The following XPO6 variants were observed in gnomAD, a reference collection of about 807,000 sequenced individuals.
XPO6 encodes exportin 6, also known as exportin-6.
XPO6 carries 3 observed loss-of-function variants against 130.0 expected under a neutral mutation model. The observed-to-expected ratio is 0.02, with a 90% CI of 0.01 to 0.06. XPO6 has a LOEUF of 0.06. XPO6 is among the 10% of genes least tolerant of loss of function. The probability of loss-of-function intolerance (pLI) is 1.00; values close to 1 mark genes in which losing one functional copy is unlikely to be tolerated. For missense variants in XPO6, 970 were observed against 1,393.0 expected, an observed-to-expected ratio of 0.70 and a Z score of 4.83; for synonymous variants, 524 against 548.9, an observed-to-expected ratio of 0.95 and a Z score of 0.63.
intron 1 of XPO6, among the ~76,000 whole-genome samples, chr16:28,189,288 A>C (rs764117306): frequency 6.6e-6 from 1 of 150,394 alleles, no homozygotes; most frequent in Non-Finnish European, 1.5e-5. Flanking sequence ...CAGCATATTG[A>C]AGTGGAAATC....
chr16:28,180,170 C>T (rs1001689730), intron 2 of XPO6, among the ~76,000 whole-genome samples: 1 of 152,104 alleles, frequency 6.6e-6, no homozygotes, highest in Non-Finnish European at 1.5e-5. Context: ...TCAAGACCCA[C>T]CTGGCTAATA....
chr16:28,153,248 G>A (rs1039478700), intron 7 of XPO6: 17 of 989,696 alleles, frequency 1.7e-5, no homozygotes, highest in Non-Finnish European at 2.0e-5. Flanking sequence ...ATGTACTCAG[G>A]CTTGCAACTT....
chr16:28,201,858 AAAT>A (rs994736457), intron 1 of XPO6, among the ~76,000 whole-genome samples: 3 of 152,040 alleles, frequency 2.0e-5, no homozygotes, highest in African/African-American at 4.8e-5. Flanking sequence ...CCGTCTCAAA[AAAT>A]AATAATAATA....
rs1177586794 is a variant in XPO6 at position 28,098,609 on chromosome 16, T to C, written c.3307A>G (p.Arg1103Gly). 1.2e-6 allele frequency: 2 copies of C among 1,612,516 alleles called. No homozygotes were observed. Among genetic ancestry groups the C allele is most frequent in the African/African-American group, 2.7e-5 (2 of 75,014 alleles). Reference protein sequence around the residue: ...DLPSFTQNVHRLVNDLRYYRL... With the variant: ...DLPSFTQNVHGLVNDLRYYRL... ...TAGTAGCGCAGGTCGTTGACCAGCC[T>C]GTGCACATTCTGGGTGAATGAGGGC... Residue 1103 changes from arginine to glycine, a missense_variant, in exon 24 of 24, where the codon AGG becomes GGG. Physicochemically the swap from Arg to Gly is moderately radical, Grantham distance 125. Around this residue, in one of 4 missense-constraint regions of XPO6, gnomAD observed 936 missense variants for 1,306.8 expected, o/e 0.72. Transcript: ENST00000304658.
chr16:28,148,090 T>C (rs2043017481), intron 8 of XPO6, among the ~76,000 whole-genome samples: 1 of 152,180 alleles, frequency 6.6e-6, no homozygotes, highest in Non-Finnish European at 1.5e-5. Context: ...TTCAAAACTA[T>C]CCACTAGCCC....
At chr16:28,183,134 T>C (rs1300449099) in intron 1 of XPO6, among the ~76,000 whole-genome samples, 1 of 152,210 alleles carries the variant, frequency 6.6e-6, no homozygotes, top group Non-Finnish European at 1.5e-5. Flanking sequence ...TATTTAGTAC[T>C]AGATTCTTGA....
intron 1 of XPO6, among the ~76,000 whole-genome samples, chr16:28,204,051 G>A (rs2043989401): frequency 6.6e-6 from 1 of 151,990 alleles, no homozygotes; most frequent in Non-Finnish European, 1.5e-5. Context: ...AACTGCTAGG[G>A]AGCCTAGTTT....
At chr16:28,117,158 C>T in intron 15 of XPO6, 160 bp downstream of exon 15, 1 of 949,052 alleles carries the variant, frequency 1.1e-6, no homozygotes, top group Non-Finnish European at 1.5e-6. Flanking sequence ...TGCATGTAGG[C>T]TACAACTAAA....
chr16:28,167,357 C>G (rs2043373104), intron 5 of XPO6: 1 of 985,458 alleles, frequency 1.0e-6, no homozygotes, highest in South Asian at 4.7e-5. Context: ...GGCTGGAAAT[C>G]CTGGCTTCTG....
rs547707774 is a variant in XPO6 at position 28,164,064 on chromosome 16, T to G, written c.643+2444A>C. ...CTATTAAAGGAGTTGTTGCAGGAACTAGTCCCTGGGCTTTGTTCTTTAAAA... is the reference window on the plus strand; with the variant it reads ...CTATTAAAGGAGTTGTTGCAGGAACGAGTCCCTGGGCTTTGTTCTTTAAAA... On this transcript the variant is annotated intron_variant, in intron 6 of 23. Transcript: ENST00000304658. 9.8e-5 allele frequency among the ~76,000 whole-genome samples: 15 copies of G among 152,332 alleles called. No individual in the cohort carries two copies. The South Asian group carries it at 3.1e-3, about 32-fold the overall frequency.
chr16:28,176,439 A>G (rs1381120691), intron 3 of XPO6, among the ~76,000 whole-genome samples: 1 of 152,248 alleles, frequency 6.6e-6, no homozygotes, highest in African/African-American at 2.4e-5. Context: ...ATGTGGGGAT[A>G]TAAAATAAAG....
At position 28,160,503 on chromosome 16, in the gene XPO6, C is replaced by CAAAAAAAAAAAAAAAAAA. The variant is rs1158204334; in HGVS notation, c.644-3977_644-3976insTTTTTTTTTTTTTTTTTT. Reference sequence around the variant, plus strand: ...TGGATAACAAAGTGAGACTCCATCACCAAAAAAAAAAAAAAAATCAAGTAA... The same window carrying CAAAAAAAAAAAAAAAAAA: ...TGGATAACAAAGTGAGACTCCATCACAAAAAAAAAAAAAAAAAACAAAAAAAAAAAAAAAATCAAGTAA... On this transcript the variant is annotated intron_variant, in intron 6 of 23. Transcript: ENST00000304658. Among the ~76,000 whole-genome samples the CAAAAAAAAAAAAAAAAAA allele has an allele frequency of 7.7e-4, 90 of 116,612 alleles. 9 individuals carry two copies. The highest frequency in any genetic ancestry group is 3.0e-3 in the African/African-American group (73 of 24,052). The allele number at this position is 116,612 out of a possible 152,430, so 76.5% of individuals were successfully genotyped here. A position where few individuals can be genotyped will look rare whatever the true frequency, so the allele number is the denominator to read the frequency against.
At chr16:28,109,216 A>G (rs1036399064) in intron 17 of XPO6, among the ~76,000 whole-genome samples, 1 of 152,226 alleles carries the variant, frequency 6.6e-6, no homozygotes, top group African/African-American at 2.4e-5. Context: ...CACTATAAGT[A>G]TATAATAATA....
At chr16:28,165,555 T>C (rs992143648) in intron 6 of XPO6, 2 of 152,232 alleles carry the variant, frequency 1.3e-5, no homozygotes, top group African/African-American at 4.8e-5. Context: ...ATTAGTGCAC[T>C]ATGAGTACTC....
chr16:28,185,360 T>C (rs2043677296), intron 1 of XPO6, among the ~76,000 whole-genome samples: 1 of 151,396 alleles, frequency 6.6e-6, no homozygotes, highest in Non-Finnish European at 1.5e-5. Context: ...ACCTTGCCTC[T>C]TAAAAAATAA....
At chr16:28,121,547 C>A in intron 14 of XPO6, 123 bp downstream of exon 14, 1 of 771,666 alleles carries the variant, frequency 1.3e-6, no homozygotes. Flanking sequence ...TCTAGGTTTG[C>A]AGTTTAAGAG....
chr16:28,127,391 C>T (rs2042579737), intron 12 of XPO6, among the ~76,000 whole-genome samples: 2 of 152,196 alleles, frequency 1.3e-5, no homozygotes, highest in South Asian at 4.1e-4. Flanking sequence ...AAGTCCATCT[C>T]CTTACTGACC....
chr16:28,188,234 GC>G (rs1351020629), intron 1 of XPO6, among the ~76,000 whole-genome samples: 3 of 152,134 alleles, frequency 2.0e-5, no homozygotes, highest in Admixed American at 6.5e-5. Context: ...GGGCCAACAT[GC>G]CCAGCCAAAA....
rs928270841 is a variant in XPO6 at position 28,106,019 on chromosome 16, A to G, written c.2784+24T>C. 2 of 1,606,968 alleles carry G rather than the reference A, an allele frequency of 1.2e-6. No homozygotes were observed. The highest frequency in any genetic ancestry group is 1.3e-5 in the African/African-American group (1 of 74,822). ...CCAATCTGGAGATGGGGGGTGCTGC[A>G]CAGGGGACCGTCTGAGCCCCTACCT... On this transcript the variant is annotated intron_variant, in intron 20 of 23. Transcript: ENST00000304658. The surrounding 1 kb of genome is among the most constrained non-coding windows in gnomAD (Gnocchi z 4.2).
Sources: allele counts gnomAD v4.1 joint callset (sites outside exome capture counted in the v4.1 genomes callset), GRCh38; gene constraint gnomAD v4.1.1; regional missense constraint gnomAD v4.1.1; non-coding constraint Gnocchi (gnomAD v3.1); transcripts MANE v1.5; gene names NCBI Gene and HGNC (gene_info 2026-07-23, HGNC 2026-07-21).